Variants in IGF2BP3 observed in about 807,000 individuals in gnomAD.
IGF2BP3 encodes the protein insulin like growth factor 2 mRNA binding protein 3, also known as insulin-like growth factor 2 mRNA-binding protein 3.
IGF2BP3 carries 9 observed loss-of-function variants against 73.8 expected under a neutral mutation model. That is an observed-to-expected ratio of 0.12 (90% confidence interval 0.07 to 0.21). IGF2BP3 has a LOEUF of 0.21. Ranked by LOEUF, IGF2BP3 falls within the 10% of genes least tolerant of loss-of-function variation. The pLI is 1.00. For synonymous variants in IGF2BP3, 258 were observed against 256.7 expected, an observed-to-expected ratio of 1.01 and a Z score of -0.05; for missense variants, 542 against 714.0, an observed-to-expected ratio of 0.76 and a Z score of 2.75.
At chr7:23,372,338 G>A (rs1465305243) in intron 3 of IGF2BP3, among the ~76,000 whole-genome samples, 2 of 152,138 alleles carry the variant, frequency 1.3e-5, no homozygotes, top group Non-Finnish European at 2.9e-5. Context: ...CTCCCAAAGT[G>A]CTGGGATTAC....
chr7:23,356,998 T>C (rs1224413057), intron 5 of IGF2BP3, among the ~76,000 whole-genome samples: 3 of 152,198 alleles, frequency 2.0e-5, no homozygotes, highest in Non-Finnish European at 4.4e-5. Flanking sequence ...AGAATGATCT[T>C]TGTAATTCTG....
chr7:23,408,289 T>C lies in IGF2BP3; in HGVS notation c.285+10487A>G, dbSNP rs1311204631. 2.0e-5 allele frequency among the ~76,000 whole-genome samples: 3 copies of C among 152,296 alleles called. No homozygotes were observed. In the East Asian group the frequency reaches 5.8e-4, roughly 29 times the overall value. The stretch of plus-strand genomic sequence containing the variant: ...CTATAAAGGAATAAAACTATGCCCA[T>C]TTGAATACATAATTGTCTAAGTAGA... On this transcript the variant is annotated intron_variant, in intron 3 of 14. Coordinates refer to ENST00000258729, the MANE Select transcript of IGF2BP3 (RefSeq NM_006547.3).
intron 2 of IGF2BP3, among the ~76,000 whole-genome samples, chr7:23,420,265 A>G (rs942445525): frequency 2.0e-5 from 3 of 152,202 alleles, no homozygotes; most frequent in Non-Finnish European, 2.9e-5. Context: ...CAGGAGTTCC[A>G]GACCAGCCTG....
chr7:23,419,418 C>G (rs1247217216), intron 2 of IGF2BP3, among the ~76,000 whole-genome samples: 2 of 152,208 alleles, frequency 1.3e-5, no homozygotes, highest in Non-Finnish European at 2.9e-5. Flanking sequence ...ATCATCTATA[C>G]TCATTACTGT....
chr7:23,459,367 TC>T (rs1161419099), intron 2 of IGF2BP3, among the ~76,000 whole-genome samples: 1 of 152,234 alleles, frequency 6.6e-6, no homozygotes, highest in Non-Finnish European at 1.5e-5. Context: ...TTCTTCTATT[TC>T]TTTTAGCAAA....
intron 1 of IGF2BP3, 106 bp from the exon 2 acceptor site, chr7:23,468,648 GA>G: frequency 1.7e-6 from 2 of 1,153,740 alleles, no homozygotes; most frequent in Non-Finnish European, 2.6e-6. Flanking sequence ...TGAGGCCCTC[GA>G]AGGGCCCCCG....
At chr7:23,429,132 T>C (rs1458466744) in intron 2 of IGF2BP3, among the ~76,000 whole-genome samples, 1 of 152,160 alleles carries the variant, frequency 6.6e-6, no homozygotes, top group Non-Finnish European at 1.5e-5. Flanking sequence ...ACTCATTAGA[T>C]TGGTTATTGC....
chr7:23,339,721 G>C (rs1784660618), intron 10 of IGF2BP3, among the ~76,000 whole-genome samples: 1 of 152,148 alleles, frequency 6.6e-6, no homozygotes, highest in Non-Finnish European at 1.5e-5. Context: ...GCTAATTTAG[G>C]GGAACCAGCA....
At chr7:23,427,970 C>T (rs1787558846) in intron 2 of IGF2BP3, among the ~76,000 whole-genome samples, 1 of 151,954 alleles carries the variant, frequency 6.6e-6, no homozygotes, top group Non-Finnish European at 1.5e-5. Context: ...CGCACCACTG[C>T]ACTCCAGCCT....
chr7:23,317,498 G>C, intron 12 of IGF2BP3, 141 bp downstream of exon 12: 1 of 647,808 alleles, frequency 1.5e-6, no homozygotes. Context: ...ATATAATTTT[G>C]AGTGTGATTC....
chr7:23,318,682 A>G (rs1248110714), intron 11 of IGF2BP3, among the ~76,000 whole-genome samples: 1 of 152,164 alleles, frequency 6.6e-6, no homozygotes, highest in Non-Finnish European at 1.5e-5. Flanking sequence ...TGCCCCTTCA[A>G]CTTCGTCTGG....
chr7:23,343,152 T>A (rs1396320931), intron 9 of IGF2BP3, among the ~76,000 whole-genome samples: 1 of 152,230 alleles, frequency 6.6e-6, no homozygotes, highest in Non-Finnish European at 1.5e-5. Flanking sequence ...CAGATTGTTT[T>A]ATCAATTGAA....
At chr7:23,419,442 G>C (rs193025842) in intron 2 of IGF2BP3, among the ~76,000 whole-genome samples, 1 of 152,328 alleles carries the variant, frequency 6.6e-6, no homozygotes, top group East Asian at 1.9e-4. Context: ...ACTTAGATGT[G>C]TTGCTAGAAC....
At chr7:23,394,242 T>A (rs1338341278) in intron 3 of IGF2BP3, among the ~76,000 whole-genome samples, 2 of 152,130 alleles carry the variant, frequency 1.3e-5, no homozygotes, top group Non-Finnish European at 2.9e-5. Flanking sequence ...CAGGGCAAGC[T>A]AAGTGTATAA....
intron 3 of IGF2BP3, among the ~76,000 whole-genome samples, chr7:23,400,988 C>T (rs1256353439): frequency 6.6e-6 from 1 of 151,928 alleles, no homozygotes; most frequent in Admixed American, 6.6e-5. Context: ...TTAGTAGAGA[C>T]GGGGGTTTCA....
chr7:23,436,692 G>C (rs1562753118), intron 2 of IGF2BP3, among the ~76,000 whole-genome samples: 1 of 152,168 alleles, frequency 6.6e-6, no homozygotes, highest in Admixed American at 6.5e-5. Flanking sequence ...GATGATATTA[G>C]TATTTCCTAT....
At chr7:23,316,674 CAAAAAA>C (rs1271667588) in intron 12 of IGF2BP3, among the ~76,000 whole-genome samples, 2 of 50,120 alleles carry the variant, frequency 4.0e-5, no homozygotes, top group Non-Finnish European at 8.6e-5. Context: ...GACTCTGTCT[CAAAAAA>C]AAAAAAAAAA....
chr7:23,401,637 C>T (rs1252285679), intron 3 of IGF2BP3, among the ~76,000 whole-genome samples: 1 of 151,940 alleles, frequency 6.6e-6, no homozygotes, highest in Non-Finnish European at 1.5e-5. Context: ...TGGTGGCAGT[C>T]ACCTGTAATC....
At chr7:23,323,902 C>A (rs934792335) in intron 10 of IGF2BP3, among the ~76,000 whole-genome samples, 2 of 151,920 alleles carry the variant, frequency 1.3e-5, no homozygotes, top group African/African-American at 2.4e-5. Flanking sequence ...ACCAGAATCT[C>A]TGGGATGCAT....
Sources: gnomAD v4.1 joint callset for allele counts (sites outside exome capture counted in the v4.1 genomes callset) on GRCh38, gnomAD v4.1.1 for gene constraint, MANE v1.5 for transcripts, NCBI Gene and HGNC (gene_info 2026-07-23, HGNC 2026-07-21) for gene names.